C12orf42: variants seen among roughly 807,000 people sequenced by gnomAD.
The protein encoded by C12orf42 is chromosome 12 open reading frame 42.
In C12orf42, 25 loss-of-function variants were observed where a neutral mutation model predicts 21.6. The observed-to-expected ratio is 1.16, with a 90% CI of 0.84 to 1.62. The LOEUF is 1.62. Among genes scored for constraint, C12orf42 ranks in the 40% most tolerant of loss-of-function variants. C12orf42 has a pLI of 0.00. For synonymous variants in C12orf42, 174 were observed against 175.0 expected, an observed-to-expected ratio of 0.99 and a Z score of 0.05; for missense variants, 483 against 459.3, an observed-to-expected ratio of 1.05 and a Z score of -0.47.
At chr12:103,358,925 T>C (rs1298810895) in intron 4 of C12orf42, among the ~76,000 whole-genome samples, 1 of 152,120 alleles carries the variant, frequency 6.6e-6, no homozygotes, top group East Asian at 1.9e-4. Context: ...AATCTCCCAC[T>C]GAGCCCAGAA....
At chr12:103,068,085 G>A in the C12orf42 span, among the ~76,000 whole-genome samples, 22 of 152,268 alleles carry the variant, frequency 1.4e-4, no homozygotes, top group African/African-American at 4.6e-4. Flanking sequence ...GTTTCCTGAA[G>A]GCAAAGATAA....
At chr12:103,267,108 G>T (rs533644690), downstream of C12orf42, among the ~76,000 whole-genome samples, 3 of 152,078 alleles carry the variant, frequency 2.0e-5, no homozygotes, top group Non-Finnish European at 4.4e-5. Context: ...TGCCTGGCTG[G>T]TCCATTCTTC....
the C12orf42 span, among the ~76,000 whole-genome samples, chr12:103,226,377 G>A: frequency 6.6e-6 from 1 of 152,172 alleles, no homozygotes; most frequent in African/African-American, 2.4e-5. Context: ...AGCAGATTGG[G>A]TAATAAAATG....
chr12:103,164,337 A>G, the C12orf42 span: 2 of 446,580 alleles, frequency 4.5e-6, no homozygotes, highest in Admixed American at 4.9e-5. Flanking sequence ...ATACTTACAG[A>G]CTCTCCTATC....
chr12:103,537,940 G>T, the C12orf42 span, among the ~76,000 whole-genome samples: 9 of 152,308 alleles, frequency 5.9e-5, 1 homozygote, highest in Admixed American at 2.6e-4. Flanking sequence ...TTTCTATTAT[G>T]AATTTGTAAA....
At chr12:103,189,984 T>C in the C12orf42 span, among the ~76,000 whole-genome samples, 7 of 151,324 alleles carry the variant, frequency 4.6e-5, no homozygotes, top group Admixed American at 1.3e-4. Context: ...TATATATATA[T>C]ACACACACAC....
the C12orf42 span, among the ~76,000 whole-genome samples, chr12:103,193,948 T>G: frequency 3.3e-5 from 5 of 152,064 alleles, no homozygotes; most frequent in Non-Finnish European, 7.4e-5. Context: ...GCTAACAGAA[T>G]TCAAACCACA....
intron 2 of C12orf42, among the ~76,000 whole-genome samples, chr12:103,459,560 T>C (rs1176364346): frequency 1.3e-5 from 2 of 152,208 alleles, no homozygotes; most frequent in Admixed American, 6.5e-5. Flanking sequence ...CAGAAGCAGA[T>C]GCTGGTGCCA....
At chr12:103,227,294 A>G in the C12orf42 span, among the ~76,000 whole-genome samples, 11 of 150,684 alleles carry the variant, frequency 7.3e-5, no homozygotes, top group Admixed American at 6.6e-4. Flanking sequence ...ATAAGGGACT[A>G]GGGTGCAGAG....
chr12:103,141,674 C>T, the C12orf42 span, among the ~76,000 whole-genome samples: 3 of 151,862 alleles, frequency 2.0e-5, no homozygotes, highest in Non-Finnish European at 2.9e-5. Flanking sequence ...GGATTACAGG[C>T]GTCCACCACC....
chr12:103,119,877 C>T, the C12orf42 span, among the ~76,000 whole-genome samples: 1 of 152,216 alleles, frequency 6.6e-6, no homozygotes, highest in Non-Finnish European at 1.5e-5. Flanking sequence ...CCATTTCAAT[C>T]CAAGCTTGGC....
chr12:103,214,385 A>C, the C12orf42 span, among the ~76,000 whole-genome samples: 1 of 152,200 alleles, frequency 6.6e-6, no homozygotes, highest in African/African-American at 2.4e-5. Context: ...GTGAGGAAGA[A>C]ACAGAGGCAC....
At chr12:103,172,387 G>A in the C12orf42 span, among the ~76,000 whole-genome samples, 1 of 152,068 alleles carries the variant, frequency 6.6e-6, no homozygotes, top group Non-Finnish European at 1.5e-5. Flanking sequence ...GCCCACAGTT[G>A]TAGGACAATT....
chr12:103,239,591 C>T (rs888035949), intron 10 of C12orf42, among the ~76,000 whole-genome samples: 4 of 152,166 alleles, frequency 2.6e-5, no homozygotes, highest in Non-Finnish European at 5.9e-5. Context: ...ATCTCATGGG[C>T]CCTGCCTATC....
At chr12:103,426,808 A>T (rs370506545) in intron 2 of C12orf42, among the ~76,000 whole-genome samples, 18 of 152,218 alleles carry the variant, frequency 1.2e-4, no homozygotes, top group Admixed American at 1.3e-4. Context: ...ATTATTCAAC[A>T]TTCTTAAAGA....
intron 2 of C12orf42, among the ~76,000 whole-genome samples, chr12:103,425,094 C>A (rs984934104): frequency 1.7e-4 from 26 of 152,194 alleles, no homozygotes; most frequent in African/African-American, 5.5e-4. Flanking sequence ...ACGGAGTCCA[C>A]CACAGCTCGG....
chr12:103,395,788 A>G (rs1288648467), intron 3 of C12orf42, among the ~76,000 whole-genome samples: 1 of 151,832 alleles, frequency 6.6e-6, no homozygotes, highest in Non-Finnish European at 1.5e-5. Flanking sequence ...TAACTGAGAC[A>G]TAAAGCACTA....
At chr12:103,052,132 TA>T in the C12orf42 span, among the ~76,000 whole-genome samples, 1 of 152,178 alleles carries the variant, frequency 6.6e-6, no homozygotes, top group East Asian at 1.9e-4. Context: ...TGTAAATTAT[TA>T]AAAATAATGC....
intron 10 of C12orf42, among the ~76,000 whole-genome samples, chr12:103,256,188 A>G (rs942313001): frequency 2.6e-4 from 35 of 135,676 alleles, no homozygotes; most frequent in Non-Finnish European, 5.7e-4. Context: ...ATACATATAT[A>G]TACACATATA....
Sources: gnomAD v4.1 joint callset for allele counts (sites outside exome capture counted in the v4.1 genomes callset) on GRCh38, gnomAD v4.1.1 for gene constraint, MANE v1.5 for transcripts, NCBI Gene and HGNC (gene_info 2026-07-23, HGNC 2026-07-21) for gene names.